Variants in PRRC2A observed in about 807,000 individuals in gnomAD.
PRRC2A encodes the protein protein PRRC2A.
In PRRC2A, 59 loss-of-function variants were observed where a neutral mutation model predicts 224.6. The ratio of observed to expected loss-of-function variants is 0.26; its 90% confidence interval spans 0.21 to 0.33. The LOEUF (loss-of-function observed/expected upper bound fraction) is 0.33, where lower values mean the gene tolerates loss of function less well. Among genes scored for constraint, PRRC2A ranks in the 10% least tolerant of loss-of-function variants. The pLI is 1.00. For missense variants in PRRC2A, 3,095 were observed against 2,880.7 expected (o/e 1.07, Z -1.70); for synonymous variants, 1,194 against 1,109.5 (o/e 1.08, Z -1.51).
At chr6:31,629,117 C>G (rs1330049052) in intron 12 of PRRC2A, 27 bp from the exon 13 acceptor site, 11 of 1,611,566 alleles carry the variant, frequency 6.8e-6, no homozygotes, top group African/African-American at 1.3e-5. Context: ...TGGACTAGAT[C>G]ACTCTGTTGT....
At chr6:31,634,732 C>T in intron 20 of PRRC2A, 21 bp from the exon 21 acceptor site, 4 of 1,607,718 alleles carry the variant, frequency 2.5e-6, no homozygotes, top group Non-Finnish European at 3.4e-6. Context: ...ACTTAACTAG[C>T]TCCTTCTCCA....
chr6:31,635,361 G>A (rs1398580950), intron 22 of PRRC2A, 33 bp from the exon 23 acceptor site: 48 of 1,613,834 alleles, frequency 3.0e-5, no homozygotes, highest in Admixed American at 6.7e-5. Context: ...TGTCTGTCAC[G>A]GGACAATGTC....
rs977321295 is a variant in PRRC2A, at chr6:31,632,958, G to A, written c.4285G>A (p.Asp1429Asn). 15 of 1,601,386 alleles carry A rather than the reference G, an allele frequency of 9.4e-6. No individual in the cohort carries two copies. The highest frequency in any genetic ancestry group is 1.3e-5 in the African/African-American group (1 of 74,526). ...AGGAAGGACCGGGCCAGGACGAGGC[G>A]ACAAGAGGAGCTGGCCCTCTCCCAA... Reference protein sequence around the residue: ...PGGRTGPGRGDKRSWPSPKNR... With the variant: ...PGGRTGPGRGNKRSWPSPKNR... Residue 1429 changes from aspartate to asparagine, a missense_variant, in exon 16 of 31, where the codon GAC (aspartate) becomes AAC (asparagine). By Grantham distance (23) the Asp-to-Asn change is conservative. Around this residue, in one of 8 missense-constraint regions of PRRC2A, gnomAD observed 2,001 missense variants for 1,764.9 expected, o/e 1.13. Coordinates refer to ENST00000376033, the MANE Select transcript of PRRC2A (RefSeq NM_004638.4).
Position 31,632,753 on chromosome 6 carries a change from A to T in PRRC2A, c.4080A>T (p.Gly1360=). The change falls in exon 16 of 31, where the codon GGA becomes GGT. Residue 1360 remains glycine, a synonymous_variant. Transcript: ENST00000376033. The stretch of plus-strand genomic sequence containing the variant: ...GAACTCCTGGGGGAGGTGGAGGTGG[A>T]GCCGTACCAGGTATTTCAGCCATGT... ...AVGTPGGGGG[G]AVPGISAMSR... 1 of 1,613,086 alleles carries T rather than the reference A, an allele frequency of 6.2e-7. No individual in the cohort carries two copies. Among genetic ancestry groups the T allele is most frequent in the Non-Finnish European group, 8.5e-7 (1 of 1,180,034 alleles).
chr6:31,631,545 C>T lies in PRRC2A; in HGVS notation c.2872C>T (p.Pro958Ser), dbSNP rs777081035. The change falls in exon 16 of 31, where the codon CCT (proline) becomes TCT (serine). Residue 958 changes from proline to serine, a missense_variant. Physicochemically the swap from Pro to Ser is moderately conservative, Grantham distance 74. Transcript: ENST00000376033. The surrounding 1 kb of genome is among the most constrained non-coding windows in gnomAD (Gnocchi z 4.5). Reference sequence around the variant, plus strand: ...TGGGCCTATAAAGAAACCTCCACCACCTACAAAAGTAGAAGAGCTGCCTCC... The same window carrying T: ...TGGGCCTATAAAGAAACCTCCACCATCTACAAAAGTAGAAGAGCTGCCTCC... ...RAGPIKKPPP[P>S]TKVEELPPKP... 6.3e-7 allele frequency: 1 copy of T among 1,594,520 alleles called. No homozygotes were observed. Among genetic ancestry groups the T allele is most frequent in the Non-Finnish European group, 8.5e-7 (1 of 1,173,836 alleles).
At position 31,635,954 on chromosome 6, in the gene PRRC2A, T is replaced by C. The variant is rs1777288937; in HGVS notation, c.5542-13T>C. ...GATACTAAAGCTGTTTCAACCGTGC[T>C]CCTCTCCTGCAGATCTCTGGGGGAG... On this transcript the variant is annotated splice_polypyrimidine_tract_variant and intron_variant, in intron 24 of 30. Transcript: ENST00000376033. 3 of 1,600,840 alleles carry C rather than the reference T, an allele frequency of 1.9e-6. No homozygotes were observed. The highest frequency in any genetic ancestry group is 2.6e-6 in the Non-Finnish European group (3 of 1,170,624).
rs201317702 is a variant in PRRC2A, at chr6:31,626,046, G to A, written c.866G>A (p.Arg289Gln). The change falls in exon 9 of 31, where the codon CGA becomes CAA. Residue 289 changes from arginine to glutamine, a missense_variant. By Grantham distance (43) the Arg-to-Gln change is conservative (BLOSUM62 1). Around this residue, in one of 8 missense-constraint regions of PRRC2A, gnomAD observed 287 missense variants for 275.3 expected, o/e 1.04. Coordinates refer to ENST00000376033, the MANE Select transcript of PRRC2A (RefSeq NM_004638.4). ...PSRFPRVAGP[R>Q]GSGPPMRLVE... ...CGTTTTCCCCGTGTGGCGGGCCCCC[G>A]AGGCTCAGGGCCACCAATGCGCTTA... The A allele has an allele frequency of 2.5e-4, 407 of 1,605,976 alleles. No homozygotes were observed. Among genetic ancestry groups the A allele is most frequent in the Non-Finnish European group, 3.3e-4 (390 of 1,177,718 alleles).
Position 31,634,254 on chromosome 6 carries a change from C to T in PRRC2A, c.4738C>T (p.His1580Tyr). 4 of 1,589,304 alleles carry T rather than the reference C, an allele frequency of 2.5e-6. No individual in the cohort carries two copies. The highest frequency in any genetic ancestry group is 1.1e-5 in the South Asian group (1 of 87,952). The change falls in exon 19 of 31, where the codon CAT (histidine) becomes TAT (tyrosine). Residue 1580 changes from histidine (H) to tyrosine (Y), a missense_variant. His to Tyr is a moderately conservative substitution (Grantham distance 83, BLOSUM62 2). Transcript: ENST00000376033. ...TCTGTAGGAATCTTTGCCACCTCCTCATAGCTCTGGATTCTTGGGCTCTAA... is the reference window on the plus strand; with the variant it reads ...TCTGTAGGAATCTTTGCCACCTCCTTATAGCTCTGGATTCTTGGGCTCTAA... ...LLQEESLPPPHSSGFLGSKPE... is the reference protein window; with the variant it reads ...LLQEESLPPPYSSGFLGSKPE...
At chr6:31,626,240 T>C in intron 9 of PRRC2A, 78 bp downstream of exon 9, 2 of 1,494,540 alleles carry the variant, frequency 1.3e-6, no homozygotes, top group Non-Finnish European at 1.8e-6. Flanking sequence ...CAGGGTTATG[T>C]GGGTGAAAGG....
At chr6:31,628,282 C>A (rs758827170) in intron 12 of PRRC2A, 43 bp downstream of exon 12, 1 of 1,565,180 alleles carries the variant, frequency 6.4e-7, no homozygotes. Flanking sequence ...CAGATCACTG[C>A]TTCAAGGTGC....
chr6:31,621,174 C>A (rs1775232549), intron 1 of PRRC2A, among the ~76,000 whole-genome samples: 1 of 149,408 alleles, frequency 6.7e-6, no homozygotes, highest in Non-Finnish European at 1.5e-5. Context: ...GCTTTTCACC[C>A]CCATTTGTGG....
intron 2 of PRRC2A, 181 bp downstream of exon 2, chr6:31,623,082 T>A (rs775468236): frequency 1.3e-6 from 1 of 764,418 alleles, no homozygotes; most frequent in South Asian, 1.4e-5. Context: ...CCAGTTATCC[T>A]CCTACAAAGG....
chr6:31,632,153 C>T lies in PRRC2A; in HGVS notation c.3480C>T (p.Val1160=), dbSNP rs1459938067. ...PARFTARGGR[V]FTPRGVPSRR... is the part of the protein sequence containing the mutation. ...GCTTCACTGCCCGGGGTGGGCGAGT[C>T]TTCACTCCCAGAGGGGTGCCATCTC... Residue 1160 remains valine (V), a synonymous_variant, in exon 16 of 31, where the codon GTC becomes GTT. Coordinates refer to ENST00000376033, the MANE Select transcript of PRRC2A (RefSeq NM_004638.4). 3 of 1,570,582 alleles carry T rather than the reference C, an allele frequency of 1.9e-6. No homozygotes were observed. Among genetic ancestry groups the T allele is most frequent in the East Asian group, 2.3e-5 (1 of 44,420 alleles).
chr6:31,631,033 A>G lies in PRRC2A; in HGVS notation c.2466-106A>G. 7.6e-7 allele frequency: 1 copy of G among 1,318,162 alleles called. No individual in the cohort carries two copies. Among genetic ancestry groups the G allele is most frequent in the South Asian group, 1.4e-5 (1 of 70,296 alleles). The allele number at this position is 1,318,162 out of a possible 1,614,324, so 81.7% of individuals were successfully genotyped here. ...GGATGCCATCTCTGCCAAAACAAAC[A>G]GAAAAATAGTAAAAGAGAGTCTGCA... On this transcript the variant is annotated intron_variant, in intron 15 of 30. Coordinates refer to ENST00000376033, the MANE Select transcript of PRRC2A (RefSeq NM_004638.4). This position sits in a 1 kb window ranked among gnomAD's most constrained non-coding sequence, Gnocchi z 4.5.
intron 3 of PRRC2A, 83 bp from the exon 4 acceptor site, chr6:31,624,178 G>A: frequency 7.3e-7 from 1 of 1,362,312 alleles, no homozygotes; most frequent in Non-Finnish European, 1.0e-6. Context: ...CAATGGGCAT[G>A]ATTTCAGTCC....
In PRRC2A at chr6:31,626,122, G is replaced by A; in HGVS notation, c.942G>A (p.Glu314=). The A allele has an allele frequency of 6.2e-7, 1 of 1,612,866 alleles. No individual in the cohort carries two copies. Reference sequence around the variant, plus strand: ...TTCTCAAAGAGGATAATCTCAAAGAGTTTGATCAGTTGGATCAGGAGAATG... The same window carrying A: ...TTCTCAAAGAGGATAATCTCAAAGAATTTGATCAGTTGGATCAGGAGAATG... ...PSILKEDNLK[E]FDQLDQENDD... is the part of the protein sequence containing the mutation. Residue 314 remains glutamate (E), a synonymous_variant, in exon 9 of 31, where the codon GAG becomes GAA. Transcript: ENST00000376033.
In PRRC2A at chr6:31,636,966, G is replaced by A. The variant is rs374407393; in HGVS notation, c.6147+21G>A. 2.5e-6 allele frequency: 4 copies of A among 1,605,216 alleles called. No individual in the cohort carries two copies. The highest frequency in any genetic ancestry group is 1.3e-5 in the African/African-American group (1 of 74,776). On this transcript the variant is annotated intron_variant, in intron 28 of 30. Transcript: ENST00000376033. This position sits in a 1 kb window ranked among gnomAD's most constrained non-coding sequence, Gnocchi z 4.3. ...CAGAGGTAAGGTACAGGAACTGAGG[G>A]GCTAGGGAGCGCCAAGACTTGGGAG...
intron 1 of PRRC2A, among the ~76,000 whole-genome samples, chr6:31,621,254 C>T (rs577755628): frequency 6.6e-6 from 1 of 152,188 alleles, no homozygotes; most frequent in African/African-American, 2.4e-5. Context: ...GGCGCTTTTC[C>T]TCCATATTGG....
At position 31,630,743 on chromosome 6, in the gene PRRC2A, C is replaced by T; in HGVS notation, c.2407C>T (p.Pro803Ser). 2 of 1,614,180 alleles carry T rather than the reference C, an allele frequency of 1.2e-6. No homozygotes were observed. The highest frequency in any genetic ancestry group is 1.6e-4 in the Middle Eastern group (1 of 6,062). The change falls in exon 15 of 31, where the codon CCC becomes TCC. Residue 803 changes from proline to serine, a missense_variant. Pro to Ser is a moderately conservative substitution (Grantham distance 74). Coordinates refer to ENST00000376033, the MANE Select transcript of PRRC2A (RefSeq NM_004638.4). ...GDVFTATPAE[P>S]RPLTSPLRQA... is the part of the protein sequence containing the mutation. ...TGTCTTCACCGCCACACCCGCTGAA[C>T]CCCGCCCACTTACCTCACCTCTGCG... is the stretch of plus-strand genomic sequence containing the variant.
Sources: gnomAD v4.1 joint callset for allele counts (sites outside exome capture counted in the v4.1 genomes callset) on GRCh38, gnomAD v4.1.1 for gene constraint, gnomAD v4.1.1 regional missense constraint, Gnocchi (gnomAD v3.1) non-coding constraint, MANE v1.5 for transcripts, NCBI Gene and HGNC (gene_info 2026-07-23, HGNC 2026-07-21) for gene names.